Variants in VEPH1 observed in about 807,000 individuals in gnomAD.
The protein encoded by VEPH1 is ventricular zone-expressed PH domain-containing protein homolog 1.
In VEPH1, 80 loss-of-function variants were observed where a neutral mutation model predicts 85.2. The ratio of observed to expected loss-of-function variants is 0.94; its 90% CI spans 0.78 to 1.13. VEPH1 has a LOEUF of 1.13. Among genes scored for constraint, VEPH1 ranks in the 50% most tolerant of loss-of-function variants. The pLI, the probability that VEPH1 is intolerant of heterozygous loss-of-function variation, is 0.00. For synonymous variants in VEPH1, 297 were observed against 348.0 expected, an observed-to-expected ratio of 0.85 and a Z score of 1.63; for missense variants, 955 against 980.5, an observed-to-expected ratio of 0.97 and a Z score of 0.35.
At chr3:157,261,675 T>C (rs991403307) in intron 13 of VEPH1, among the ~76,000 whole-genome samples, 4 of 152,138 alleles carry the variant, frequency 2.6e-5, no homozygotes, top group African/African-American at 9.7e-5. Flanking sequence ...TAGAGCAAGG[T>C]GCAACGGTAC....
intron 12 of VEPH1, among the ~76,000 whole-genome samples, chr3:157,272,374 CT>C (rs55959173): frequency 0.067 from 5,981 of 88,956 alleles, 287 homozygotes; most frequent in African/African-American, 0.11. Flanking sequence ...CTTTCTCTTT[CT>C]TTTCTTTCTT....
At chr3:157,265,753 C>T (rs1713553196) in intron 12 of VEPH1, 91 bp from the exon 13 acceptor site, 2 of 1,350,746 alleles carry the variant, frequency 1.5e-6, no homozygotes, top group East Asian at 2.4e-5. Context: ...TGTACCAGAA[C>T]CCAGTTAGCA....
chr3:157,349,679 T>C (rs1405875018), intron 9 of VEPH1, among the ~76,000 whole-genome samples: 1 of 152,072 alleles, frequency 6.6e-6, no homozygotes, highest in Non-Finnish European at 1.5e-5. Context: ...ATGAACTCAG[T>C]AAAGTTGCAG....
At chr3:157,474,888 A>T (rs1737311848) in intron 2 of VEPH1, among the ~76,000 whole-genome samples, 1 of 152,058 alleles carries the variant, frequency 6.6e-6, no homozygotes, top group Non-Finnish European at 1.5e-5. Context: ...GTAAACATCA[A>T]AATGATTTGC....
chr3:157,347,655 G>A (rs1724381459), intron 9 of VEPH1, among the ~76,000 whole-genome samples: 1 of 152,216 alleles, frequency 6.6e-6, no homozygotes, highest in Non-Finnish European at 1.5e-5. Flanking sequence ...GAGGCACCAG[G>A]CCTCTGCAGC....
rs144383150 is a variant in VEPH1 at position 157,370,981 on chromosome 3, G to T, written c.1128-6469C>A. ...TCAGATTGCTGAAAGCATTGTATAA[G>T]ATACTGGATTTGACAGTGTTGCTCA... On this transcript the variant is annotated intron_variant, in intron 7 of 13. Transcript: ENST00000362010. Among the ~76,000 whole-genome samples the T allele has an allele frequency of 2.3e-3, 347 of 152,308 alleles. 1 individual carries two copies. The highest frequency in any genetic ancestry group is 8.0e-3 in the African/African-American group (332 of 41,562).
intron 9 of VEPH1, among the ~76,000 whole-genome samples, chr3:157,355,604 C>T (rs149352979): frequency 1.3e-5 from 2 of 152,310 alleles, no homozygotes; most frequent in African/African-American, 4.8e-5. Context: ...GTCATTGTCC[C>T]TAGCCATGTA....
chr3:157,261,426 T>C (rs758456611), intron 13 of VEPH1, 56 bp from the exon 14 acceptor site: 2 of 1,590,096 alleles, frequency 1.3e-6, no homozygotes, highest in Non-Finnish European at 8.6e-7. Flanking sequence ...GGCAAGGATC[T>C]CTGGCTACTG....
intron 4 of VEPH1, among the ~76,000 whole-genome samples, chr3:157,439,951 C>G (rs924518001): frequency 6.6e-6 from 1 of 152,054 alleles, no homozygotes. Context: ...GGGGTTTCAC[C>G]GTGTTAGCCA....
intron 6 of VEPH1, among the ~76,000 whole-genome samples, chr3:157,403,618 T>G (rs754341100): frequency 1.2e-4 from 18 of 152,306 alleles, no homozygotes; most frequent in South Asian, 1.0e-3. Context: ...TACAGTGCCT[T>G]GCATACAGCA....
At chr3:157,463,667 T>A (rs1395174958) in intron 3 of VEPH1, among the ~76,000 whole-genome samples, 3 of 152,160 alleles carry the variant, frequency 2.0e-5, no homozygotes, top group Admixed American at 1.3e-4. Context: ...ACAAAATTGT[T>A]TGGACCCACT....
At chr3:157,330,110 TTC>T (rs1722341388) in intron 9 of VEPH1, among the ~76,000 whole-genome samples, 1 of 152,214 alleles carries the variant, frequency 6.6e-6, no homozygotes, top group African/African-American at 2.4e-5. Flanking sequence ...CTTCTTTTCT[TTC>T]AAGTCTTTAG....
At chr3:157,497,263 T>G (rs901536800) in intron 1 of VEPH1, among the ~76,000 whole-genome samples, 2 of 152,172 alleles carry the variant, frequency 1.3e-5, no homozygotes, top group African/African-American at 4.8e-5. Flanking sequence ...CCTTCTACAC[T>G]GCTCCTGGAT....
intron 11 of VEPH1, 65 bp from the exon 12 acceptor site, chr3:157,286,739 C>T (rs1716834597): frequency 7.7e-7 from 1 of 1,302,266 alleles, no homozygotes; most frequent in African/African-American, 1.5e-5. Flanking sequence ...CATTCTGAGA[C>T]TGGGAGAAGG....
intron 9 of VEPH1, among the ~76,000 whole-genome samples, chr3:157,327,274 A>G (rs931897381): frequency 6.6e-6 from 1 of 152,194 alleles, no homozygotes. Context: ...TAGGGAGATA[A>G]GCATAGGAGA....
intron 12 of VEPH1, among the ~76,000 whole-genome samples, chr3:157,277,884 A>C (rs1200160084): frequency 6.6e-6 from 1 of 152,216 alleles, no homozygotes; most frequent in African/African-American, 2.4e-5. Context: ...CATCATATGA[A>C]TATCTACCTT....
intron 9 of VEPH1, among the ~76,000 whole-genome samples, chr3:157,345,459 G>A (rs528033754): frequency 6.6e-6 from 1 of 152,290 alleles, no homozygotes; most frequent in Admixed American, 6.5e-5. Flanking sequence ...TCAGAGAAAG[G>A]CAAATCAAAA....
rs1170542702 is a variant in VEPH1, at chr3:157,381,377, C to A, written c.907-1G>T. 1.2e-6 allele frequency: 2 copies of A among 1,613,914 alleles called. No individual in the cohort carries two copies. The highest frequency in any genetic ancestry group is 1.7e-6 in the Non-Finnish European group (2 of 1,179,884). On this transcript the variant is annotated splice_acceptor_variant, in intron 6 of 13. Coordinates refer to ENST00000362010, the MANE Select transcript of VEPH1 (RefSeq NM_001167912.2). LOFTEE classifies it high-confidence loss of function. The stretch of plus-strand genomic sequence containing the variant: ...ATGTCAGGCAGCTCCTGGCTCTCTC[C>A]TACCAAAAACAATGAAGAAAATAGG...
intron 1 of VEPH1, among the ~76,000 whole-genome samples, chr3:157,500,406 AC>A (rs1740010420): frequency 6.6e-6 from 1 of 152,126 alleles, no homozygotes; most frequent in African/African-American, 2.4e-5. Flanking sequence ...GGGTGTGTCT[AC>A]TCAAAGGGTG....
Sources: gnomAD v4.1 joint callset for allele counts (sites outside exome capture counted in the v4.1 genomes callset) on GRCh38, gnomAD v4.1.1 for gene constraint, MANE v1.5 for transcripts, NCBI Gene and HGNC (gene_info 2026-07-23, HGNC 2026-07-21) for gene names.